NUFIP1: variants seen among roughly 807,000 people sequenced by gnomAD.
NUFIP1 encodes FMR1-interacting protein NUFIP1.
A neutral mutation model predicts 56.2 loss-of-function variants in NUFIP1; 38 were observed. That is an observed-to-expected ratio of 0.68 (90% CI 0.52 to 0.89). NUFIP1 has a LOEUF of 0.89. Among genes scored for constraint, NUFIP1 ranks in the 40% least tolerant of loss-of-function variants. NUFIP1 has a pLI of 0.00. For missense variants in NUFIP1, 567 were observed against 605.8 expected, an observed-to-expected ratio of 0.94 and a Z score of 0.67; for synonymous variants, 215 against 212.4, an observed-to-expected ratio of 1.01 and a Z score of -0.10.
intron 7 of NUFIP1, among the ~76,000 whole-genome samples, chr13:44,956,158 A>AAAAAAAAAAAG (rs754747222): frequency 6.6e-6 from 1 of 150,934 alleles, no homozygotes; most frequent in Non-Finnish European, 1.5e-5. Context: ...AAAAAAAAAA[A>AAAAAAAAAAAG]AAAAGAATCT....
intron 5 of NUFIP1, among the ~76,000 whole-genome samples, chr13:44,975,736 T>C (rs1871949351): frequency 6.6e-6 from 1 of 152,224 alleles, no homozygotes; most frequent in Non-Finnish European, 1.5e-5. Context: ...TGAAGTCCCC[T>C]TCCTCTTATA....
At chr13:44,968,636 C>T (rs1042934273) in intron 5 of NUFIP1, among the ~76,000 whole-genome samples, 1 of 152,128 alleles carries the variant, frequency 6.6e-6, no homozygotes, top group African/African-American at 2.4e-5. Context: ...TTTTACAGGC[C>T]TCACAGTGGC....
At chr13:44,985,774 C>T (rs1029132368) in intron 1 of NUFIP1, among the ~76,000 whole-genome samples, 3 of 152,108 alleles carry the variant, frequency 2.0e-5, no homozygotes, top group South Asian at 2.1e-4. Flanking sequence ...TCCTCTGAGA[C>T]GCAATATTCA....
intron 9 of NUFIP1, 87 bp downstream of exon 9, chr13:44,943,355 C>T: frequency 1.1e-6 from 1 of 930,078 alleles, no homozygotes. Context: ...AAAACAAACA[C>T]ACACACACAC....
At chr13:44,970,246 G>A (rs1871755302) in intron 5 of NUFIP1, among the ~76,000 whole-genome samples, 1 of 152,144 alleles carries the variant, frequency 6.6e-6, no homozygotes, top group Non-Finnish European at 1.5e-5. Context: ...GTAGGGGAAA[G>A]GCTATTAATG....
At chr13:44,976,488 G>A (rs560347067) in intron 5 of NUFIP1, among the ~76,000 whole-genome samples, 1 of 152,034 alleles carries the variant, frequency 6.6e-6, no homozygotes, top group East Asian at 1.9e-4. Flanking sequence ...ACAACAAGAG[G>A]AGGAGGAAGA....
intron 7 of NUFIP1, among the ~76,000 whole-genome samples, chr13:44,955,662 T>G (rs1350791781): frequency 6.6e-6 from 1 of 152,218 alleles, no homozygotes; most frequent in Non-Finnish European, 1.5e-5. Flanking sequence ...GGCTGGCTCT[T>G]GCCCAAGGTA....
At chr13:44,972,187 A>G (rs1405264203) in intron 5 of NUFIP1, among the ~76,000 whole-genome samples, 1 of 152,222 alleles carries the variant, frequency 6.6e-6, no homozygotes, top group Non-Finnish European at 1.5e-5. Context: ...ATAAAACCCT[A>G]TATTCAAAAC....
At chr13:44,973,610 A>T (rs1871876183) in intron 5 of NUFIP1, among the ~76,000 whole-genome samples, 1 of 152,226 alleles carries the variant, frequency 6.6e-6, no homozygotes, top group Admixed American at 6.5e-5. Context: ...TTAATTCAAG[A>T]ATAAAAGACA....
chr13:44,959,629 A>G lies in NUFIP1; in HGVS notation c.828-55T>C. On this transcript the variant is annotated intron_variant, in intron 6 of 9. Coordinates refer to ENST00000379161, the MANE Select transcript of NUFIP1 (RefSeq NM_012345.3). ...TAAAAGGCACTGACCTTCCAAGAAAATTTTGAAAAAGACTACTAGATACAA... is the reference window on the plus strand; with the variant it reads ...TAAAAGGCACTGACCTTCCAAGAAAGTTTTGAAAAAGACTACTAGATACAA... 4 of 1,495,948 alleles carry G rather than the reference A, an allele frequency of 2.7e-6. No homozygotes were observed. The South Asian group carries it at 5.1e-5, about 19-fold the overall frequency. 92.7% of individuals were successfully genotyped at this position (1,495,948 alleles called of 1,614,324 possible). A position where few individuals can be genotyped will look rare whatever the true frequency, so the allele number is the denominator to read the frequency against.
At chr13:44,982,418 A>G (rs1872226720) in intron 1 of NUFIP1, among the ~76,000 whole-genome samples, 1 of 152,210 alleles carries the variant, frequency 6.6e-6, no homozygotes, top group South Asian at 2.1e-4. Flanking sequence ...ACCTAACCTG[A>G]TGAAATTCCT....
At chr13:44,965,555 G>A (rs187987509) in intron 6 of NUFIP1, among the ~76,000 whole-genome samples, 302 of 152,244 alleles carry the variant, frequency 2.0e-3, no homozygotes, top group African/African-American at 6.8e-3. Flanking sequence ...TTAGCTGGGC[G>A]TGGTGGCGCA....
chr13:44,969,639 C>T (rs1451003887), intron 5 of NUFIP1, among the ~76,000 whole-genome samples: 1 of 152,072 alleles, frequency 6.6e-6, no homozygotes, highest in Non-Finnish European at 1.5e-5. Flanking sequence ...TCTTTTCCTT[C>T]CTCTCTTCTT....
chr13:44,965,966 G>A (rs772459545), intron 5 of NUFIP1, 30 bp from the exon 6 acceptor site: 1 of 1,329,708 alleles, frequency 7.5e-7, no homozygotes, highest in Non-Finnish European at 1.0e-6. Context: ...AATTATAATA[G>A]GGCTTTTAGA....
At chr13:44,943,044 C>T (rs944099790) in intron 9 of NUFIP1, among the ~76,000 whole-genome samples, 1 of 151,148 alleles carries the variant, frequency 6.6e-6, no homozygotes, top group African/African-American at 2.4e-5. Flanking sequence ...TGAGAATTGT[C>T]AGAAAACCTT....
intron 7 of NUFIP1, among the ~76,000 whole-genome samples, chr13:44,958,458 A>G (rs1314505145): frequency 6.6e-6 from 1 of 152,134 alleles, no homozygotes; most frequent in Non-Finnish European, 1.5e-5. Context: ...ATGTTATTAA[A>G]TTTTATCTTC....
At chr13:44,952,805 A>C (rs1295045285) in intron 7 of NUFIP1, among the ~76,000 whole-genome samples, 2 of 152,210 alleles carry the variant, frequency 1.3e-5, no homozygotes, top group Non-Finnish European at 2.9e-5. Flanking sequence ...TCCAGGATAC[A>C]ATCTGCTATA....
intron 7 of NUFIP1, among the ~76,000 whole-genome samples, chr13:44,955,895 G>A (rs968107745): frequency 3.3e-5 from 5 of 151,890 alleles, no homozygotes; most frequent in African/African-American, 1.2e-4. Context: ...TGTAATCCCA[G>A]CACTTTGGGA....
chr13:44,954,785 A>C (rs1408367797), intron 7 of NUFIP1, among the ~76,000 whole-genome samples: 1 of 152,222 alleles, frequency 6.6e-6, no homozygotes, highest in Non-Finnish European at 1.5e-5. Context: ...GCTCTCAAAG[A>C]AGACAGTTAC....
Sources: gnomAD v4.1 joint callset for allele counts (sites outside exome capture counted in the v4.1 genomes callset) on GRCh38, gnomAD v4.1.1 for gene constraint, MANE v1.5 for transcripts, NCBI Gene and HGNC (gene_info 2026-07-23, HGNC 2026-07-21) for gene names.